The following HERC1 variants were observed in gnomAD, a reference collection of about 807,000 sequenced individuals.
HERC1 encodes the protein probable E3 ubiquitin-protein ligase HERC1.
Under a neutral mutation model 554.3 loss-of-function variants are expected in HERC1, and 160 were observed. The ratio of observed to expected loss-of-function variants is 0.29; its 90% confidence interval spans 0.25 to 0.33. The LOEUF is 0.33. HERC1 is among the 10% of genes least tolerant of loss of function. The pLI is 1.00. For missense variants in HERC1, 4,919 were observed against 5,918.5 expected (o/e 0.83, Z 5.54); for synonymous variants, 2,175 against 2,131.7 (o/e 1.02, Z -0.56).
rs751673430 is a variant in HERC1 at position 63,656,073 on chromosome 15, C to T, written c.9870+15G>A. The T allele has an allele frequency of 9.9e-6, 16 of 1,608,414 alleles. No homozygotes were observed. The Admixed American group carries it at 2.3e-4, about 24-fold the overall frequency. On this transcript the variant is annotated intron_variant, in intron 49 of 77. Transcript: ENST00000443617. The stretch of plus-strand genomic sequence containing the variant: ...ATAATCAATGTAACGGGGAAAAGTA[C>T]TGAAAGTAGCTTACCTGTGTACACA...
chr15:63,703,260 T>A (rs1203259130), intron 25 of HERC1, among the ~76,000 whole-genome samples: 1 of 152,202 alleles, frequency 6.6e-6, no homozygotes, highest in African/African-American at 2.4e-5. Context: ...AAACATTAAC[T>A]GAAGTGAGGG....
chr15:63,673,113 CAAG>C (rs1204359783), intron 38 of HERC1, among the ~76,000 whole-genome samples: 2 of 151,886 alleles, frequency 1.3e-5, no homozygotes, highest in African/African-American at 4.8e-5. Context: ...CATGTAAATA[CAAG>C]AAGAGTAAAA....
At chr15:63,615,553 T>A (rs1161146128) in intron 76 of HERC1, among the ~76,000 whole-genome samples, 2 of 152,196 alleles carry the variant, frequency 1.3e-5, no homozygotes, top group African/African-American at 4.8e-5. Flanking sequence ...GAGGCTGCAG[T>A]GAGCTGAGAC....
Position 63,643,054 on chromosome 15 carries a change from C to T in HERC1, c.11336G>A (p.Gly3779Asp). The change falls in exon 59 of 78, where the codon GGC becomes GAC. Residue 3779 changes from glycine (G) to aspartate (D), a missense_variant. Gly to Asp is a moderately conservative substitution (Grantham distance 94). This residue lies in a region of HERC1 where 1,963 missense variants were observed against 2,228.6 expected (regional missense o/e 0.88). Coordinates refer to ENST00000443617, the MANE Select transcript of HERC1 (RefSeq NM_003922.4). ...TATCACAACAGTTTGCAAGACAGAG[C>T]CATCCTAAAATGAGATATATTTACC... ...GLMNIWSLRD[G>D]SVLQTVVIGS... 1 of 1,601,170 alleles carries T rather than the reference C, an allele frequency of 6.2e-7. No individual in the cohort carries two copies. The highest frequency in any genetic ancestry group is 8.6e-7 in the Non-Finnish European group (1 of 1,169,288).
chr15:63,779,956 G>A (rs2076237018), intron 1 of HERC1: 1 of 144,870 alleles, frequency 6.9e-6, no homozygotes, highest in Non-Finnish European at 1.5e-5. Flanking sequence ...GGAGGTTGCA[G>A]TGAGCCGAGA....
chr15:63,809,176 T>C (rs932123284), intron 1 of HERC1, among the ~76,000 whole-genome samples: 2 of 152,150 alleles, frequency 1.3e-5, no homozygotes, highest in Non-Finnish European at 2.9e-5. Flanking sequence ...GAAGACACAA[T>C]AGTATCAACC....
At chr15:63,615,683 T>C (rs1012441754) in intron 76 of HERC1, 85 bp downstream of exon 76, 1 of 972,934 alleles carries the variant, frequency 1.0e-6, no homozygotes, top group Non-Finnish European at 1.5e-6. Flanking sequence ...AAATACATAT[T>C]AGCAGATTTT....
intron 65 of HERC1, 143 bp from the exon 66 acceptor site, chr15:63,635,031 A>AAATTTTTTTTTT (rs2068720738): frequency 1.7e-6 from 1 of 579,816 alleles, no homozygotes; most frequent in Non-Finnish European, 2.8e-6. Flanking sequence ...ATGCTTTTAA[A>AAATTTTTTTTTT]AATTTTTTTT....
At chr15:63,752,522 C>T (rs2075284911) in intron 8 of HERC1, 1 of 153,734 alleles carries the variant, frequency 6.5e-6, no homozygotes, top group Non-Finnish European at 1.4e-5. Flanking sequence ...CTTGACTTCA[C>T]ACTGTTTCTC....
At chr15:63,831,644 C>CT (rs199690859) in intron 1 of HERC1, among the ~76,000 whole-genome samples, 112 of 151,974 alleles carry the variant, frequency 7.4e-4, no homozygotes, top group Admixed American at 2.4e-3. Context: ...ACCCAGCCCC[C>CT]TTTTTTTTCT....
rs374269292 is a variant in HERC1 at position 63,616,467 on chromosome 15, A to G, written c.13904T>C (p.Ile4635Thr). 127 of 1,613,830 alleles carry G rather than the reference A, an allele frequency of 7.9e-5. No homozygotes were observed. The highest frequency in any genetic ancestry group is 4.7e-4 in the African/African-American group (35 of 74,926). The change falls in exon 75 of 78, where the codon ATT becomes ACT. Residue 4635 changes from isoleucine (I) to threonine (T), a missense_variant. Coordinates refer to ENST00000443617, the MANE Select transcript of HERC1 (RefSeq NM_003922.4). ...CTCCTCGGTAATCCCACTGTCTTCA[A>G]TGTGAAGAATGCTGTTGAGAGTCTG... is the stretch of plus-strand genomic sequence containing the variant. Reference protein sequence around the residue: ...YVQTLNSILHIEDSGITEESF... With the variant: ...YVQTLNSILHTEDSGITEESF...
intron 1 of HERC1, among the ~76,000 whole-genome samples, chr15:63,778,923 A>C (rs2076194318): frequency 6.6e-6 from 1 of 152,132 alleles, no homozygotes; most frequent in African/African-American, 2.4e-5. Flanking sequence ...CTGAAAGCAG[A>C]AATAGACAAA....
At chr15:63,633,701 A>T in intron 67 of HERC1, 147 bp downstream of exon 67, 1 of 743,494 alleles carries the variant, frequency 1.3e-6, no homozygotes, top group Non-Finnish European at 2.1e-6. Flanking sequence ...GCATGTGGGC[A>T]TTCAAGAATG....
At chr15:63,698,665 A>G in intron 26 of HERC1, 63 bp downstream of exon 26, 1 of 1,486,982 alleles carries the variant, frequency 6.7e-7, no homozygotes, top group South Asian at 1.3e-5. Context: ...CTAGAACTAT[A>G]CATTCAATGG....
At chr15:63,717,042 C>G (rs1196531031) in intron 21 of HERC1, among the ~76,000 whole-genome samples, 1 of 152,106 alleles carries the variant, frequency 6.6e-6, no homozygotes, top group African/African-American at 2.4e-5. Context: ...GAAAAGAATC[C>G]TTAAAACAGA....
intron 10 of HERC1, among the ~76,000 whole-genome samples, chr15:63,748,899 G>A (rs74019007): frequency 0.012 from 1,875 of 151,200 alleles, 35 homozygotes; most frequent in African/African-American, 0.044. Context: ...TAGCACTTTC[G>A]GAAAAAGCTA....
intron 1 of HERC1, among the ~76,000 whole-genome samples, chr15:63,830,291 G>A (rs553893889): frequency 1.1e-4 from 16 of 152,338 alleles, no homozygotes; most frequent in African/African-American, 3.8e-4. Flanking sequence ...GATGCATTGA[G>A]AAGGACACAA....
chr15:63,623,832 C>G lies in HERC1; in HGVS notation c.13504G>C (p.Ala4502Pro), dbSNP rs765716008. The G allele has an allele frequency of 5.0e-6, 8 of 1,614,022 alleles. No homozygotes were observed. Among genetic ancestry groups the G allele is most frequent in the Non-Finnish European group, 5.9e-6 (7 of 1,179,894 alleles). Residue 4502 changes from alanine to proline, a missense_variant, in exon 73 of 78, where the codon GCT (alanine) becomes CCT (proline). By Grantham distance (27) the Ala-to-Pro change is conservative. Coordinates refer to ENST00000443617, the MANE Select transcript of HERC1 (RefSeq NM_003922.4). ...CGGGAAGGCAGGCGGAGGTCTGAAG[C>G]ATTCAGCTTAACTACTTGTCTCGCT... is the stretch of plus-strand genomic sequence containing the variant. ...QIARQVVKLN[A>P]SDLRLPSRAW...
Position 63,680,195 on chromosome 15 carries a change from A to G in HERC1, c.6466-35T>C. On this transcript the variant is annotated intron_variant, in intron 35 of 77. Coordinates refer to ENST00000443617, the MANE Select transcript of HERC1 (RefSeq NM_003922.4). This position sits in a 1 kb window ranked among gnomAD's most constrained non-coding sequence, Gnocchi z 5.8. ...GGCAGCAGTGAGGAAAAGAAAAAGG[A>G]AATAGAAATTTTTTTAATTCACAAT... The G allele has an allele frequency of 6.5e-7, 1 of 1,542,126 alleles. No individual in the cohort carries two copies. The highest frequency in any genetic ancestry group is 8.9e-7 in the Non-Finnish European group (1 of 1,123,428).
Sources: allele counts gnomAD v4.1 joint callset (sites outside exome capture counted in the v4.1 genomes callset), GRCh38; gene constraint gnomAD v4.1.1; regional missense constraint gnomAD v4.1.1; non-coding constraint Gnocchi (gnomAD v3.1); transcripts MANE v1.5; gene names NCBI Gene and HGNC (gene_info 2026-07-23, HGNC 2026-07-21).